LARS2: variants seen among roughly 807,000 people sequenced by gnomAD.
LARS2 encodes the protein leucine--tRNA ligase, mitochondrial.
LARS2 carries 81 observed loss-of-function variants against 116.6 expected under a neutral mutation model. The ratio of observed to expected loss-of-function variants is 0.69; its 90% CI spans 0.58 to 0.84. The LOEUF (loss-of-function observed/expected upper bound fraction) is 0.84. LARS2 is among the 40% of genes least tolerant of loss of function. LARS2 has a pLI of 0.00. For synonymous variants in LARS2, 396 were observed against 407.2 expected (o/e 0.97, Z 0.33); for missense variants, 968 against 1,114.5 (o/e 0.87, Z 1.87).
Position 45,496,274 on chromosome 3 carries a change from G to T in LARS2, c.1524-1G>T, listed in dbSNP as rs1700009371. The T allele has an allele frequency of 6.2e-7, 1 of 1,610,454 alleles. No homozygotes were observed. Among genetic ancestry groups the T allele is most frequent in the Admixed American group, 1.7e-5 (1 of 59,818 alleles). Reference sequence around the variant, plus strand: ...ATTGATGAATTTCATTTCTTTCTTAGGTGCAAGGGAGCAGCCAAGAGAGAG... The same window carrying T: ...ATTGATGAATTTCATTTCTTTCTTATGTGCAAGGGAGCAGCCAAGAGAGAG... On this transcript the variant is annotated splice_acceptor_variant, in intron 13 of 21. Transcript: ENST00000645846. LOFTEE classifies it high-confidence loss of function.
chr3:45,439,910 C>A (rs1292812575), intron 6 of LARS2, among the ~76,000 whole-genome samples: 1 of 152,142 alleles, frequency 6.6e-6, no homozygotes, highest in Admixed American at 6.5e-5. Context: ...GAGATATATT[C>A]GGGAGGAACT....
intron 8 of LARS2, among the ~76,000 whole-genome samples, chr3:45,469,431 C>T (rs1388014406): frequency 2.0e-5 from 3 of 152,128 alleles, no homozygotes; most frequent in Admixed American, 6.5e-5. Context: ...CTAGAACCTC[C>T]GCCTCCTGGG....
At chr3:45,496,773 G>A (rs952251075) in intron 14 of LARS2, among the ~76,000 whole-genome samples, 1 of 152,254 alleles carries the variant, frequency 6.6e-6, no homozygotes, top group African/African-American at 2.4e-5. Context: ...ACACCAGAGT[G>A]GGTCCACAGA....
intron 6 of LARS2, among the ~76,000 whole-genome samples, chr3:45,427,648 A>G (rs1216053026): frequency 1.3e-5 from 2 of 152,166 alleles, no homozygotes; most frequent in Non-Finnish European, 2.9e-5. Context: ...TGTATGTATA[A>G]CTTAATACAT....
At chr3:45,425,850 A>G (rs1698585549) in intron 6 of LARS2, among the ~76,000 whole-genome samples, 1 of 151,744 alleles carries the variant, frequency 6.6e-6, no homozygotes, top group Non-Finnish European at 1.5e-5. Flanking sequence ...ATGCCTTAGC[A>G]TCACGGAATC....
chr3:45,465,849 TATC>T (rs1323847327), intron 8 of LARS2, among the ~76,000 whole-genome samples: 1 of 152,224 alleles, frequency 6.6e-6, no homozygotes, highest in Non-Finnish European at 1.5e-5. Flanking sequence ...GTCAATTCTC[TATC>T]ATCATCTCAT....
intron 4 of LARS2, among the ~76,000 whole-genome samples, chr3:45,401,192 G>A (rs953524616): frequency 6.6e-6 from 1 of 152,098 alleles, no homozygotes; most frequent in African/African-American, 2.4e-5. Context: ...GGGGAGTTGG[G>A]GAAAGTGCCA....
At chr3:45,463,275 C>T (rs1029761717) in intron 8 of LARS2, among the ~76,000 whole-genome samples, 10 of 152,260 alleles carry the variant, frequency 6.6e-5, no homozygotes, top group East Asian at 1.9e-4. Context: ...TGGCCCCTCT[C>T]GGCTGCATTG....
rs1699915626 is a variant in LARS2 at position 45,491,543 on chromosome 3, T to C, written c.1266T>C (p.Ala422=). ...AEFTGMTRQD[A]FLALTQKARG... Reference sequence around the variant, plus strand: ...TCACAGGTATGACCCGGCAGGATGCTTTTCTAGCCCTGACTCAGAAAGCCC... The same window carrying C: ...TCACAGGTATGACCCGGCAGGATGCCTTTCTAGCCCTGACTCAGAAAGCCC... The change falls in exon 13 of 22, where the codon GCT becomes GCC. Residue 422 remains alanine, a synonymous_variant. Transcript: ENST00000645846. 4 of 1,614,164 alleles carry C rather than the reference T, an allele frequency of 2.5e-6. No individual in the cohort carries two copies. The African/African-American group carries it at 4.0e-5, about 16-fold the overall frequency.
intron 21 of LARS2, among the ~76,000 whole-genome samples, chr3:45,543,201 A>G (rs779070777): frequency 2.6e-5 from 4 of 152,254 alleles, no homozygotes; most frequent in African/African-American, 4.8e-5. Context: ...AAAAATCTTC[A>G]AAACCAAAAC....
chr3:45,395,373 G>A (rs1422808362), intron 3 of LARS2, among the ~76,000 whole-genome samples: 1 of 152,212 alleles, frequency 6.6e-6, no homozygotes, highest in Non-Finnish European at 1.5e-5. Flanking sequence ...ATTAATGGTG[G>A]AAGCATAATA....
chr3:45,548,372 G>A lies in LARS2; in HGVS notation c.*842G>A, dbSNP rs1700904957. 6.6e-6 allele frequency: 1 copy of A among 152,302 alleles called. No homozygotes were observed. Among genetic ancestry groups the A allele is most frequent in the South Asian group, 2.1e-4 (1 of 4,836 alleles). The allele number at this position is 152,302 out of a possible 1,614,324, so 9.4% of individuals were successfully genotyped here. A position where few individuals can be genotyped will look rare whatever the true frequency, so the allele number is the denominator to read the frequency against. ...TCAGGCTGCTGGTCCCAACCTCAGA[G>A]CCCCACCGCAGCCCAGTAGGGATGC... On this transcript the variant is annotated 3_prime_UTR_variant, in exon 22 of 22. Coordinates refer to ENST00000645846, the MANE Select transcript of LARS2 (RefSeq NM_015340.4).
At chr3:45,422,824 G>C (rs550502007) in intron 6 of LARS2, among the ~76,000 whole-genome samples, 13 of 151,992 alleles carry the variant, frequency 8.6e-5, no homozygotes, top group Admixed American at 3.9e-4. Context: ...ACTTCTATTG[G>C]TACATCATTT....
chr3:45,421,197 G>A (rs909953684), intron 6 of LARS2: 3 of 151,940 alleles, frequency 2.0e-5, no homozygotes, highest in East Asian at 3.9e-4. Context: ...GTTCAAATCC[G>A]AAGTCCAGAA....
intron 6 of LARS2, among the ~76,000 whole-genome samples, chr3:45,434,573 T>C (rs1349092338): frequency 1.3e-4 from 20 of 152,232 alleles, no homozygotes; most frequent in Admixed American, 1.3e-3. Flanking sequence ...GTCATCATGG[T>C]GTTGGTGTAT....
intron 8 of LARS2, among the ~76,000 whole-genome samples, chr3:45,467,030 A>G (rs908261446): frequency 3.3e-5 from 5 of 152,316 alleles, no homozygotes; most frequent in South Asian, 2.1e-4. Flanking sequence ...CACATTAGCG[A>G]TAGGAAATGC....
At chr3:45,420,616 A>AT (rs1269945362) in intron 6 of LARS2, among the ~76,000 whole-genome samples, 3 of 152,250 alleles carry the variant, frequency 2.0e-5, no homozygotes, top group African/African-American at 7.2e-5. Context: ...ACACATTTGA[A>AT]TAAGCCCTGA....
chr3:45,536,217 G>T (rs1180574640), intron 20 of LARS2, among the ~76,000 whole-genome samples: 1 of 152,142 alleles, frequency 6.6e-6, no homozygotes, highest in African/African-American at 2.4e-5. Context: ...AACCTCTCAG[G>T]CTCAGGTGAT....
chr3:45,435,135 G>T (rs891867016), intron 6 of LARS2, among the ~76,000 whole-genome samples: 4 of 152,118 alleles, frequency 2.6e-5, no homozygotes, highest in African/African-American at 9.7e-5. Flanking sequence ...CAGGGACTCC[G>T]CTGACACCAT....
Sources: gnomAD v4.1 joint callset for allele counts (sites outside exome capture counted in the v4.1 genomes callset) on GRCh38, gnomAD v4.1.1 for gene constraint, MANE v1.5 for transcripts, NCBI Gene and HGNC (gene_info 2026-07-23, HGNC 2026-07-21) for gene names.